Variants in KIAA0825 observed in about 807,000 individuals in gnomAD.
The protein encoded by KIAA0825 is KIAA0825, also known as uncharacterized protein KIAA0825.
KIAA0825 carries 119 observed loss-of-function variants against 147.6 expected under a neutral mutation model. The ratio of observed to expected loss-of-function variants is 0.81; its 90% CI spans 0.69 to 0.94. The LOEUF is 0.94. Among genes scored for constraint, KIAA0825 ranks in the 40% least tolerant of loss-of-function variants. The pLI, the probability that KIAA0825 is intolerant of heterozygous loss-of-function variation, is 0.00. For missense variants in KIAA0825, 1,381 were observed against 1,472.7 expected (o/e 0.94, Z 1.02); for synonymous variants, 470 against 518.1 (o/e 0.91, Z 1.26).
intron 20 of KIAA0825, among the ~76,000 whole-genome samples, chr5:94,224,240 CCGCCCACCA>C (rs1773959371): frequency 6.6e-6 from 1 of 151,050 alleles, no homozygotes; most frequent in African/African-American, 2.4e-5. Flanking sequence ...GGGATTACAG[CCGCCCACCA>C]CCATGCCCAG....
intron 5 of KIAA0825, among the ~76,000 whole-genome samples, chr5:94,487,974 A>G (rs1331884988): frequency 3.3e-5 from 5 of 152,080 alleles, no homozygotes; most frequent in African/African-American, 1.2e-4. Context: ...AAAACAAAAC[A>G]AAAAAATGGC....
chr5:94,348,420 A>G (rs757354616), intron 20 of KIAA0825, among the ~76,000 whole-genome samples: 2 of 152,210 alleles, frequency 1.3e-5, no homozygotes, highest in Non-Finnish European at 2.9e-5. Context: ...CTTTAAAGGA[A>G]AAACCTATCC....
chr5:94,300,153 A>G (rs536249641), intron 20 of KIAA0825, among the ~76,000 whole-genome samples: 3 of 152,050 alleles, frequency 2.0e-5, no homozygotes, highest in Non-Finnish European at 4.4e-5. Flanking sequence ...AGAATACTTA[A>G]CATATATATT....
intron 1 of KIAA0825, among the ~76,000 whole-genome samples, chr5:94,604,075 A>G (rs1787026391): frequency 6.6e-6 from 1 of 152,230 alleles, no homozygotes; most frequent in South Asian, 2.1e-4. Flanking sequence ...GGATCAAATA[A>G]ACCTGATAGA....
At chr5:94,591,676 A>T (rs947078786) in intron 1 of KIAA0825, among the ~76,000 whole-genome samples, 10 of 152,228 alleles carry the variant, frequency 6.6e-5, no homozygotes, top group African/African-American at 2.4e-4. Context: ...TTCAAAGAAA[A>T]AATGGTTTTT....
rs1173789302 is a variant in KIAA0825 at position 94,537,129 on chromosome 5, T to A, written c.-1-2A>T. On this transcript the variant is annotated splice_acceptor_variant, in intron 2 of 20. Transcript: ENST00000682413. LOFTEE classifies it low-confidence loss of function (5UTR_SPLICE). ...GAATATTCATCATCCCAATCCATTC[T>A]GAGGAGCAAGAATAAATAATAAAAC... 1 of 1,602,142 alleles carries A rather than the reference T, an allele frequency of 6.2e-7. No homozygotes were observed. Among genetic ancestry groups the A allele is most frequent in the East Asian group, 2.2e-5 (1 of 44,462 alleles).
At chr5:94,154,172 G>A in intron 20 of KIAA0825, 48 bp from the exon 21 acceptor site, 2 of 1,136,148 alleles carry the variant, frequency 1.8e-6, no homozygotes, top group Non-Finnish European at 1.3e-6. Flanking sequence ...TCAAACCACA[G>A]GTCAACACTC....
intron 14 of KIAA0825, among the ~76,000 whole-genome samples, chr5:94,434,176 T>A (rs76830279): frequency 0.045 from 6,871 of 152,304 alleles, 191 homozygotes; most frequent in East Asian, 0.11. Flanking sequence ...GTACTCAGTG[T>A]TAAAAGCCAC....
chr5:94,240,606 C>G (rs961517913), intron 20 of KIAA0825, among the ~76,000 whole-genome samples: 2 of 152,198 alleles, frequency 1.3e-5, no homozygotes, highest in Non-Finnish European at 2.9e-5. Context: ...AATTACCCAT[C>G]AGTCTTCTTG....
At chr5:94,325,262 A>T (rs1780573180) in intron 20 of KIAA0825, among the ~76,000 whole-genome samples, 1 of 152,018 alleles carries the variant, frequency 6.6e-6, no homozygotes, top group Non-Finnish European at 1.5e-5. Context: ...CCATGGATTC[A>T]TACATTGCCT....
intron 14 of KIAA0825, among the ~76,000 whole-genome samples, chr5:94,429,768 T>G (rs1755413538): frequency 6.6e-6 from 1 of 152,160 alleles, no homozygotes; most frequent in Non-Finnish European, 1.5e-5. Flanking sequence ...GAAAATCCAA[T>G]GAAGCAGCCC....
intron 20 of KIAA0825, among the ~76,000 whole-genome samples, chr5:94,258,951 T>C (rs758657598): frequency 2.6e-4 from 40 of 152,056 alleles, no homozygotes; most frequent in Non-Finnish European, 3.1e-4. Flanking sequence ...CCATGCTGGT[T>C]GGTATGTAAT....
Position 94,417,250 on chromosome 5 carries a change from C to G in KIAA0825, c.2613G>C (p.Val871=), listed in dbSNP as rs1292814862. The change falls in exon 15 of 21, where the codon GTG becomes GTC. Residue 871 remains valine (V), a synonymous_variant. Transcript: ENST00000682413. ...ATAATTGCTCTTCTTCCATGTAGCT[C>G]ACAAAAACGTTTGCAAATGTTTGTG... The part of the protein sequence containing the change: ...FSPQTFANVF[V]SYMEEEQLWD... 1 of 1,550,972 alleles carries G rather than the reference C, an allele frequency of 6.4e-7. No homozygotes were observed. The highest frequency in any genetic ancestry group is 2.0e-5 in the Admixed American group (1 of 50,978).
chr5:94,347,651 ACAT>A (rs1185406572), intron 20 of KIAA0825, among the ~76,000 whole-genome samples: 2 of 152,212 alleles, frequency 1.3e-5, no homozygotes, highest in African/African-American at 4.8e-5. Context: ...AAACTGAACA[ACAT>A]CCTTCAGCCC....
At chr5:94,354,613 TA>T (rs1260387795) in intron 20 of KIAA0825, among the ~76,000 whole-genome samples, 13 of 152,230 alleles carry the variant, frequency 8.5e-5, no homozygotes, top group Non-Finnish European at 1.8e-4. Flanking sequence ...GCTTACGCTG[TA>T]ATCAGAATAG....
chr5:94,553,157 G>A (rs962521630), intron 2 of KIAA0825, among the ~76,000 whole-genome samples: 3 of 152,168 alleles, frequency 2.0e-5, no homozygotes, highest in Non-Finnish European at 4.4e-5. Context: ...AATAAGTAAA[G>A]GCTGGGCGGA....
intron 2 of KIAA0825, among the ~76,000 whole-genome samples, chr5:94,572,990 T>C (rs1023223689): frequency 1.3e-5 from 2 of 152,132 alleles, no homozygotes; most frequent in Non-Finnish European, 2.9e-5. Context: ...CAGGAGGTCC[T>C]GAGAACATGT....
At chr5:94,606,132 A>C (rs1787448435) in intron 1 of KIAA0825, among the ~76,000 whole-genome samples, 1 of 152,206 alleles carries the variant, frequency 6.6e-6, no homozygotes, top group African/African-American at 2.4e-5. Flanking sequence ...ACTGAGAGCC[A>C]AATCAGAAAG....
At chr5:94,266,736 GT>G (rs924514766) in intron 20 of KIAA0825, among the ~76,000 whole-genome samples, 1 of 151,152 alleles carries the variant, frequency 6.6e-6, no homozygotes, top group Admixed American at 6.6e-5. Flanking sequence ...GGGAAATACA[GT>G]TTTTTTTTAG....
Sources: gnomAD v4.1 joint callset for allele counts (sites outside exome capture counted in the v4.1 genomes callset) on GRCh38, gnomAD v4.1.1 for gene constraint, MANE v1.5 for transcripts, NCBI Gene and HGNC (gene_info 2026-07-23, HGNC 2026-07-21) for gene names.